The following ADGRL2 variants were observed in gnomAD, a reference collection of about 807,000 sequenced individuals.
ADGRL2 encodes calcium-independent alpha-latrotoxin receptor 2.
ADGRL2 carries 44 observed loss-of-function variants against 157.4 expected under a neutral mutation model. The observed-to-expected ratio is 0.28, with a 90% CI of 0.22 to 0.36. ADGRL2 has a LOEUF of 0.36. Among genes scored for constraint, ADGRL2 ranks in the 10% least tolerant of loss-of-function variants. The pLI is 1.00. For missense variants in ADGRL2, 1,510 were observed against 1,768.9 expected (o/e 0.85, Z 2.63); for synonymous variants, 585 against 624.7 (o/e 0.94, Z 0.95).
At chr1:81,721,338 C>T (rs1307481857) in intron 1 of ADGRL2, among the ~76,000 whole-genome samples, 2 of 152,132 alleles carry the variant, frequency 1.3e-5, no homozygotes, top group African/African-American at 4.8e-5. Flanking sequence ...GATAACCACA[C>T]TGCTTTTAGT....
At chr1:81,634,672 C>T (rs931079371) in intron 3 of ADGRL2, among the ~76,000 whole-genome samples, 4 of 151,956 alleles carry the variant, frequency 2.6e-5, no homozygotes, top group Admixed American at 6.6e-5. Flanking sequence ...TATAGGCACA[C>T]GCCATCACGT....
At chr1:81,469,016 G>A (rs1028359968) in intron 2 of ADGRL2, among the ~76,000 whole-genome samples, 2 of 152,114 alleles carry the variant, frequency 1.3e-5, no homozygotes, top group African/African-American at 4.8e-5. Flanking sequence ...GATGACTTCT[G>A]TCCTTTTTTG....
At chr1:81,751,936 A>T (rs892876691) in intron 1 of ADGRL2, among the ~76,000 whole-genome samples, 2 of 152,208 alleles carry the variant, frequency 1.3e-5, no homozygotes, top group African/African-American at 4.8e-5. Flanking sequence ...TGTTGTCATA[A>T]TCCCGGAATA....
intron 1 of ADGRL2, among the ~76,000 whole-genome samples, chr1:81,749,813 G>A (rs931432950): frequency 5.9e-5 from 9 of 152,140 alleles, no homozygotes; most frequent in Admixed American, 4.6e-4. Flanking sequence ...ATGGGAATTA[G>A]AGTAAAATTC....
intron 1 of ADGRL2, among the ~76,000 whole-genome samples, chr1:81,358,269 G>A (rs1663460480): frequency 6.6e-6 from 1 of 152,186 alleles, no homozygotes; most frequent in Non-Finnish European, 1.5e-5. Context: ...AAGCAGATAT[G>A]AGAATATTTT....
chr1:81,732,455 TGCC>T (rs2084758573), intron 1 of ADGRL2, among the ~76,000 whole-genome samples: 1 of 152,242 alleles, frequency 6.6e-6, no homozygotes, highest in South Asian at 2.1e-4. Context: ...TATTATTTAA[TGCC>T]AGCACAGCCT....
chr1:81,458,678 G>A (rs751365741), intron 2 of ADGRL2, among the ~76,000 whole-genome samples: 13 of 152,198 alleles, frequency 8.5e-5, no homozygotes, highest in African/African-American at 3.1e-4. Flanking sequence ...TTCCATGTTG[G>A]GCACCAGTGT....
chr1:81,463,726 T>C (rs1389222384), intron 2 of ADGRL2, among the ~76,000 whole-genome samples: 2 of 152,180 alleles, frequency 1.3e-5, no homozygotes, highest in East Asian at 1.9e-4. Context: ...CCCTGAGCAA[T>C]TGGCCCTCAA....
At chr1:81,830,363 A>T (rs77390032) in intron 1 of ADGRL2, among the ~76,000 whole-genome samples, 1,781 of 152,340 alleles carry the variant, frequency 0.012, 25 homozygotes, top group African/African-American at 0.029. Flanking sequence ...TAAAGGCAAG[A>T]AATGTAAGTT....
chr1:81,553,402 T>C (rs974931108), intron 2 of ADGRL2, among the ~76,000 whole-genome samples: 2 of 152,204 alleles, frequency 1.3e-5, no homozygotes, highest in Non-Finnish European at 1.5e-5. Context: ...ATTTTTCACA[T>C]CTTTAATGCT....
intron 2 of ADGRL2, among the ~76,000 whole-genome samples, chr1:81,544,715 G>C (rs953242820): frequency 6.6e-6 from 1 of 152,156 alleles, no homozygotes; most frequent in African/African-American, 2.4e-5. Context: ...CTACAGGGGA[G>C]GCCGGAACTC....
intron 2 of ADGRL2, among the ~76,000 whole-genome samples, chr1:81,539,194 T>C (rs1289986263): frequency 6.6e-6 from 1 of 152,144 alleles, no homozygotes. Context: ...TATAGATAAA[T>C]TATTTTTGTG....
intron 3 of ADGRL2, among the ~76,000 whole-genome samples, chr1:81,624,152 A>G (rs534340070): frequency 6.6e-6 from 1 of 152,300 alleles, no homozygotes; most frequent in Non-Finnish European, 1.5e-5. Flanking sequence ...CCTGGATTTC[A>G]GACTTCTGTT....
intron 2 of ADGRL2, among the ~76,000 whole-genome samples, chr1:81,470,567 CAAAT>C (rs1159075189): frequency 2.6e-5 from 4 of 152,162 alleles, no homozygotes; most frequent in African/African-American, 4.8e-5. Context: ...GACAGCTTTT[CAAAT>C]AAATCTTCTT....
intron 1 of ADGRL2, among the ~76,000 whole-genome samples, chr1:81,440,289 T>C (rs1167836230): frequency 6.6e-6 from 1 of 152,226 alleles, no homozygotes; most frequent in Non-Finnish European, 1.5e-5. Context: ...CACCCCTAGC[T>C]GCCTAAGCAT....
chr1:81,332,794 G>A (rs753711911), intron 1 of ADGRL2, among the ~76,000 whole-genome samples: 18 of 152,168 alleles, frequency 1.2e-4, no homozygotes, highest in Non-Finnish European at 2.1e-4. Flanking sequence ...AAAAGAGAGA[G>A]GGATGTAGAA....
intron 2 of ADGRL2, among the ~76,000 whole-genome samples, chr1:81,778,530 T>C (rs116243871): frequency 0.021 from 3,225 of 152,226 alleles, 107 homozygotes; most frequent in African/African-American, 0.073. Flanking sequence ...TTTTTCCTAA[T>C]AACCACCTTA....
chr1:81,336,662 G>T (rs896921337), intron 1 of ADGRL2, among the ~76,000 whole-genome samples: 1 of 152,052 alleles, frequency 6.6e-6, no homozygotes, highest in African/African-American at 2.4e-5. Context: ...TGGGGTGTCT[G>T]GATGGCCTAA....
intron 1 of ADGRL2, among the ~76,000 whole-genome samples, chr1:81,820,730 C>G (rs1341257): frequency 0.25 from 20,909 of 83,936 alleles, 1,659 homozygotes; most frequent in South Asian, 0.36. Context: ...GTTGACCTGT[C>G]TGTCTGAAAA....
Sources: gnomAD v4.1 joint callset for allele counts (sites outside exome capture counted in the v4.1 genomes callset) on GRCh38, gnomAD v4.1.1 for gene constraint, MANE v1.5 for transcripts, NCBI Gene and HGNC (gene_info 2026-07-23, HGNC 2026-07-21) for gene names.